SHOC2: variants seen among roughly 807,000 people sequenced by gnomAD.
SHOC2 encodes leucine-rich repeat protein SHOC-2.
Under a neutral mutation model 50.2 loss-of-function variants are expected in SHOC2, and 4 were observed. That is an observed-to-expected ratio of 0.08 (90% confidence interval 0.04 to 0.18). SHOC2 has a LOEUF of 0.18. Among genes scored for constraint, SHOC2 ranks in the 10% least tolerant of loss-of-function variants. The pLI, the probability that SHOC2 is intolerant of heterozygous loss-of-function variation, is 1.00. For missense variants in SHOC2, 388 were observed against 669.6 expected (o/e 0.58, Z 4.64); for synonymous variants, 218 against 244.5 (o/e 0.89, Z 1.01).
At chr10:110,926,768 C>CA (rs1846784814) in intron 1 of SHOC2, among the ~76,000 whole-genome samples, 1 of 152,050 alleles carries the variant, frequency 6.6e-6, no homozygotes, top group African/African-American at 2.4e-5. Flanking sequence ...AAATTCCATT[C>CA]AAAATGATAC....
intron 1 of SHOC2, among the ~76,000 whole-genome samples, chr10:110,930,139 AG>A (rs768260343): frequency 7.2e-5 from 11 of 152,218 alleles, no homozygotes; most frequent in Non-Finnish European, 1.3e-4. Flanking sequence ...AAATTATAAA[AG>A]TTCTATTTAA....
chr10:111,000,835 A>G (rs778759796), intron 4 of SHOC2, among the ~76,000 whole-genome samples: 10 of 152,166 alleles, frequency 6.6e-5, no homozygotes, highest in African/African-American at 9.7e-5. Context: ...AATCTTTCTC[A>G]TTTCATTTTG....
intron 1 of SHOC2, among the ~76,000 whole-genome samples, chr10:110,922,639 A>G (rs535934013): frequency 1.7e-4 from 26 of 152,186 alleles, no homozygotes; most frequent in African/African-American, 5.8e-4. Flanking sequence ...AAAAGCCTTA[A>G]GATTAATGCT....
At chr10:110,989,962 G>T (rs926586391) in intron 3 of SHOC2, among the ~76,000 whole-genome samples, 6 of 152,162 alleles carry the variant, frequency 3.9e-5, no homozygotes, top group Non-Finnish European at 7.3e-5. Context: ...ATATGTATCT[G>T]TAAGTTTGGT....
At chr10:110,924,921 A>G (rs1846727776) in intron 1 of SHOC2, among the ~76,000 whole-genome samples, 1 of 151,832 alleles carries the variant, frequency 6.6e-6, no homozygotes, top group Admixed American at 6.6e-5. Context: ...AATACAAAAA[A>G]TTAGCTGGGC....
intron 2 of SHOC2, among the ~76,000 whole-genome samples, chr10:110,978,167 G>C (rs1847910367): frequency 1.3e-5 from 2 of 152,178 alleles, no homozygotes; most frequent in Admixed American, 1.3e-4. Context: ...TGGGACTTCT[G>C]TTGTTTTCCT....
At chr10:110,951,860 G>T (rs1231837414) in intron 1 of SHOC2, 2 of 152,254 alleles carry the variant, frequency 1.3e-5, no homozygotes, top group African/African-American at 4.8e-5. Flanking sequence ...ATTTCACCAT[G>T]TTGGCCAAGC....
intron 1 of SHOC2, among the ~76,000 whole-genome samples, chr10:110,963,408 C>T (rs757095283): frequency 2.6e-5 from 4 of 152,180 alleles, no homozygotes; most frequent in Non-Finnish European, 5.9e-5. Flanking sequence ...AGGTCTACCT[C>T]CATCAGAATC....
chr10:110,927,118 A>G (rs10885063), intron 1 of SHOC2, among the ~76,000 whole-genome samples: 80,759 of 152,042 alleles, frequency 0.53, 24,943 homozygotes, highest in Non-Finnish European at 0.69. Flanking sequence ...AAATAAGCTT[A>G]ATTCCTTGGC....
intron 1 of SHOC2, among the ~76,000 whole-genome samples, chr10:110,924,159 T>C (rs942438339): frequency 6.6e-6 from 1 of 152,260 alleles, no homozygotes; most frequent in Non-Finnish European, 1.5e-5. Context: ...CATTCACCAA[T>C]GTCATGGAAC....
intron 2 of SHOC2, among the ~76,000 whole-genome samples, chr10:110,980,501 C>A (rs1847956148): frequency 6.6e-6 from 1 of 152,104 alleles, no homozygotes; most frequent in Non-Finnish European, 1.5e-5. Context: ...GTAGTATAGA[C>A]CTTCACACTA....
At chr10:110,930,495 G>T (rs999245210) in intron 1 of SHOC2, among the ~76,000 whole-genome samples, 1 of 152,020 alleles carries the variant, frequency 6.6e-6, no homozygotes, top group African/African-American at 2.4e-5. Flanking sequence ...AGTTTAAAAG[G>T]TCTGAAAATC....
chr10:110,949,417 G>A (rs1411184852), intron 1 of SHOC2, among the ~76,000 whole-genome samples: 1 of 152,052 alleles, frequency 6.6e-6, no homozygotes, highest in African/African-American at 2.4e-5. Flanking sequence ...CACACCCAGT[G>A]ACTGTAAGGA....
chr10:110,986,281 GAT>G (rs1310429648), intron 3 of SHOC2, among the ~76,000 whole-genome samples: 3 of 152,112 alleles, frequency 2.0e-5, no homozygotes, highest in African/African-American at 4.8e-5. Context: ...ATTGAGCTGT[GAT>G]ATGTTTTGTG....
intron 1 of SHOC2, among the ~76,000 whole-genome samples, chr10:110,944,009 C>G (rs1847201057): frequency 6.6e-6 from 1 of 152,210 alleles, no homozygotes; most frequent in Non-Finnish European, 1.5e-5. Flanking sequence ...TGGATTTGAT[C>G]TCACCAGTCT....
At chr10:110,931,259 A>AT (rs1262857508) in intron 1 of SHOC2, among the ~76,000 whole-genome samples, 2 of 152,100 alleles carry the variant, frequency 1.3e-5, no homozygotes, top group Non-Finnish European at 2.9e-5. Context: ...AGTGTAGAAC[A>AT]TTTTATTTTT....
intron 5 of SHOC2, among the ~76,000 whole-genome samples, chr10:111,006,685 A>G (rs1329444914): frequency 6.6e-6 from 1 of 152,216 alleles, no homozygotes; most frequent in Non-Finnish European, 1.5e-5. Context: ...TTTTAAAGAT[A>G]CAGATTAACA....
chr10:110,941,457 G>A (rs935923288), intron 1 of SHOC2, among the ~76,000 whole-genome samples: 1 of 151,852 alleles, frequency 6.6e-6, no homozygotes, highest in South Asian at 2.1e-4. Flanking sequence ...TCAGCCTCCC[G>A]GGTAGCTGGG....
At chr10:110,951,417 T>C (rs1847349199) in intron 1 of SHOC2, among the ~76,000 whole-genome samples, 1 of 152,162 alleles carries the variant, frequency 6.6e-6, no homozygotes, top group African/African-American at 2.4e-5. Flanking sequence ...ATAGAGAGAA[T>C]AGAACTCTTT....
Sources: gnomAD v4.1 joint callset for allele counts (sites outside exome capture counted in the v4.1 genomes callset) on GRCh38, gnomAD v4.1.1 for gene constraint, MANE v1.5 for transcripts, NCBI Gene and HGNC (gene_info 2026-07-23, HGNC 2026-07-21) for gene names.